Variants in DSCAM observed in about 807,000 individuals in gnomAD.
DSCAM encodes the protein DS cell adhesion molecule.
A neutral mutation model predicts 217.7 loss-of-function variants in DSCAM; 47 were observed. The observed-to-expected ratio is 0.22, with a 90% CI of 0.17 to 0.28. The LOEUF (loss-of-function observed/expected upper bound fraction) is 0.28, where lower values mean the gene tolerates loss of function less well. DSCAM is among the 10% of genes least tolerant of loss of function. DSCAM has a pLI of 1.00. For missense variants in DSCAM, 2,080 were observed against 2,618.3 expected (o/e 0.79, Z 4.49); for synonymous variants, 1,056 against 1,015.3 (o/e 1.04, Z -0.76).
At chr21:40,532,575 A>G (rs1326219817) in intron 3 of DSCAM, among the ~76,000 whole-genome samples, 1 of 152,206 alleles carries the variant, frequency 6.6e-6, no homozygotes, top group Non-Finnish European at 1.5e-5. Context: ...TAGTGTTCAG[A>G]CAGTTCTTGC....
intron 3 of DSCAM, among the ~76,000 whole-genome samples, chr21:40,585,179 C>CTTTCTTTTTTTT (rs371140909): frequency 6.9e-6 from 1 of 145,912 alleles, no homozygotes. Context: ...AAATCAACTT[C>CTTTCTTTTTTTT]TTTTTTTTTT....
At chr21:40,829,983 G>C (rs1428489838) in intron 1 of DSCAM, among the ~76,000 whole-genome samples, 1 of 152,140 alleles carries the variant, frequency 6.6e-6, no homozygotes, top group Non-Finnish European at 1.5e-5. Context: ...AGCCATGTTT[G>C]CTATCTGGCT....
intron 1 of DSCAM, among the ~76,000 whole-genome samples, chr21:40,797,477 C>T (rs1248232776): frequency 1.3e-5 from 2 of 152,138 alleles, no homozygotes; most frequent in Admixed American, 6.5e-5. Context: ...CACATTCTCC[C>T]CAGTGAACAC....
intron 28 of DSCAM, among the ~76,000 whole-genome samples, chr21:40,062,494 C>G (rs1488098012): frequency 1.3e-5 from 2 of 152,150 alleles, no homozygotes; most frequent in Non-Finnish European, 2.9e-5. Context: ...TCCTTTTGTG[C>G]TTTTCTTTTA....
At chr21:40,296,271 A>G (rs1415929942) in intron 9 of DSCAM, 97 bp from the exon 10 acceptor site, 34 of 1,390,716 alleles carry the variant, frequency 2.4e-5, no homozygotes, top group Non-Finnish European at 3.1e-5. Context: ...GAATATTAAA[A>G]TATGAAGACT....
intron 3 of DSCAM, among the ~76,000 whole-genome samples, chr21:40,387,373 A>T (rs552488363): frequency 6.6e-6 from 1 of 152,280 alleles, no homozygotes; most frequent in East Asian, 1.9e-4. Context: ...CTCCAAAAAA[A>T]AAAAAACAGC....
chr21:40,081,498 T>TC (rs2089457129), intron 24 of DSCAM, among the ~76,000 whole-genome samples: 1 of 151,852 alleles, frequency 6.6e-6, no homozygotes, highest in Non-Finnish European at 1.5e-5. Flanking sequence ...GGCCATAGGG[T>TC]CCCTCCTCCT....
chr21:40,324,141 A>AAAAAAG (rs2074292597), intron 8 of DSCAM, among the ~76,000 whole-genome samples: 2 of 149,942 alleles, frequency 1.3e-5, no homozygotes, highest in African/African-American at 4.9e-5. Context: ...AGAAAAAAAA[A>AAAAAAG]AGAGAGAGAG....
At chr21:40,252,429 A>G (rs2073317071) in intron 11 of DSCAM, among the ~76,000 whole-genome samples, 1 of 152,156 alleles carries the variant, frequency 6.6e-6, no homozygotes, top group Non-Finnish European at 1.5e-5. Context: ...TTTATCTTTG[A>G]CAAATGAGAT....
chr21:40,198,088 C>G (rs1329483777), intron 11 of DSCAM, among the ~76,000 whole-genome samples: 1 of 152,134 alleles, frequency 6.6e-6, no homozygotes, highest in Non-Finnish European at 1.5e-5. Context: ...ACTTTCTCAG[C>G]TGCAAGGCAA....
intron 11 of DSCAM, among the ~76,000 whole-genome samples, chr21:40,218,565 C>A (rs538878481): frequency 3.1e-4 from 47 of 151,946 alleles, no homozygotes; most frequent in South Asian, 1.0e-3. Context: ...AGCACTGAAT[C>A]TGTGAATTGA....
intron 30 of DSCAM, among the ~76,000 whole-genome samples, chr21:40,047,872 A>ATTTT (rs1004447063): frequency 2.6e-5 from 4 of 152,118 alleles, no homozygotes; most frequent in African/African-American, 9.7e-5. Flanking sequence ...AACAGAGGGC[A>ATTTT]TTTTTTCTTT....
chr21:40,189,329 A>T (rs2090930444), intron 11 of DSCAM, 91 bp from the exon 12 acceptor site: 1 of 1,015,592 alleles, frequency 9.8e-7, no homozygotes, highest in African/African-American at 1.7e-5. Context: ...GCTTCAAGAG[A>T]TATTTCTTCA....
intron 1 of DSCAM, among the ~76,000 whole-genome samples, chr21:40,832,452 A>G (rs1310124131): frequency 6.6e-6 from 1 of 152,186 alleles, no homozygotes; most frequent in Non-Finnish European, 1.5e-5. Context: ...ATTTCTATGA[A>G]GGAGATTACA....
At position 40,016,400 on chromosome 21, in the gene DSCAM, A is replaced by AG. The variant is rs1231625373; in HGVS notation, c.5687-3015dup. ...ATCGTACTTTGATGACAAAAGATGAAGGGTTTAGTTTCAGACCTGCTGAGT... is the reference window on the plus strand; with the variant it reads ...ATCGTACTTTGATGACAAAAGATGAAGGGGTTTAGTTTCAGACCTGCTGAGT... On this transcript the variant is annotated intron_variant, in intron 32 of 32. Coordinates refer to ENST00000400454, the MANE Select transcript of DSCAM (RefSeq NM_001389.5). The surrounding 1 kb of genome is among the most constrained non-coding windows in gnomAD (Gnocchi z 4.3). 6.6e-6 allele frequency among the ~76,000 whole-genome samples: 1 copy of AG among 152,130 alleles called. No individual in the cohort carries two copies. The highest frequency in any genetic ancestry group is 6.5e-5 in the Admixed American group (1 of 15,276).
At chr21:40,493,826 G>A (rs2076095019) in intron 3 of DSCAM, among the ~76,000 whole-genome samples, 1 of 144,476 alleles carries the variant, frequency 6.9e-6, no homozygotes, top group Admixed American at 7.1e-5. Context: ...TCGTGCCATT[G>A]CACTCCAGCT....
intron 11 of DSCAM, among the ~76,000 whole-genome samples, chr21:40,261,650 T>TACACACACACACACACA (rs373042306): frequency 9.0e-4 from 101 of 112,724 alleles, no homozygotes; most frequent in African/African-American, 2.1e-3. Context: ...TCTCTCTCTC[T>TACACACACACACACACA]CTACACACAC....
chr21:40,468,116 G>A (rs2075859887), intron 3 of DSCAM, among the ~76,000 whole-genome samples: 1 of 152,138 alleles, frequency 6.6e-6, no homozygotes, highest in Non-Finnish European at 1.5e-5. Flanking sequence ...CTGCCCATCT[G>A]AGACAAATGC....
At chr21:40,438,319 G>A (rs1485655980) in intron 3 of DSCAM, among the ~76,000 whole-genome samples, 3 of 152,158 alleles carry the variant, frequency 2.0e-5, no homozygotes, top group South Asian at 2.1e-4. Flanking sequence ...TAGATGCAAC[G>A]ATCATGTGTT....
Sources: gnomAD v4.1 joint callset for allele counts (sites outside exome capture counted in the v4.1 genomes callset) on GRCh38, gnomAD v4.1.1 for gene constraint, Gnocchi (gnomAD v3.1) non-coding constraint, MANE v1.5 for transcripts, NCBI Gene and HGNC (gene_info 2026-07-23, HGNC 2026-07-21) for gene names.